PEDS1: variants seen among roughly 807,000 people sequenced by gnomAD.
PEDS1 encodes the protein CarF homolog.
In PEDS1, 14 loss-of-function variants were observed where a neutral mutation model predicts 35.2. The ratio of observed to expected loss-of-function variants is 0.40; its 90% CI spans 0.26 to 0.62. PEDS1 has a LOEUF of 0.62. Ranked by LOEUF, PEDS1 falls within the 20% of genes least tolerant of loss-of-function variation. PEDS1 has a pLI of 0.44. For missense variants in PEDS1, 260 were observed against 367.8 expected (o/e 0.71, Z 2.40); for synonymous variants, 152 against 152.0 (o/e 1.00, Z 0.00).
At chr20:50,138,921 C>T (rs1017816964) in intron 2 of PEDS1, among the ~76,000 whole-genome samples, 1 of 152,150 alleles carries the variant, frequency 6.6e-6, no homozygotes, top group Non-Finnish European at 1.5e-5. Context: ...TGGGCCCGTG[C>T]GGGCTTCCAT....
chr20:50,150,529 C>A (rs1318489341), intron 1 of PEDS1, among the ~76,000 whole-genome samples: 1 of 152,280 alleles, frequency 6.6e-6, no homozygotes, highest in East Asian at 1.9e-4. Context: ...CTCAGGGAAG[C>A]CTTCACTGCC....
intron 2 of PEDS1, among the ~76,000 whole-genome samples, chr20:50,137,873 A>G (rs1417550822): frequency 6.6e-6 from 1 of 152,232 alleles, no homozygotes; most frequent in Non-Finnish European, 1.5e-5. Context: ...GTCTCAAAAA[A>G]CAAACAAACA....
chr20:50,133,035 C>T (rs1366165870), intron 2 of PEDS1, among the ~76,000 whole-genome samples: 2 of 152,124 alleles, frequency 1.3e-5, no homozygotes. Context: ...AACTGGTTGT[C>T]CAAGATTCTG....
chr20:50,153,401 T>C (rs1352405324), intron 1 of PEDS1, 116 bp downstream of exon 1: 6 of 1,228,450 alleles, frequency 4.9e-6, no homozygotes, highest in Admixed American at 4.3e-5. Context: ...ATTTGCAAGT[T>C]AGACACCCGG....
At chr20:50,141,950 C>G (rs2081295502) in intron 2 of PEDS1, among the ~76,000 whole-genome samples, 1 of 152,178 alleles carries the variant, frequency 6.6e-6, no homozygotes, top group African/African-American at 2.4e-5. Flanking sequence ...TAGGAAGGGC[C>G]AGGCAGGACC....
chr20:50,149,273 C>T (rs2081377406), intron 1 of PEDS1, among the ~76,000 whole-genome samples: 1 of 152,166 alleles, frequency 6.6e-6, no homozygotes, highest in African/African-American at 2.4e-5. Context: ...TCCACCTTTC[C>T]CTTCCCCCTG....
intron 2 of PEDS1, among the ~76,000 whole-genome samples, chr20:50,132,493 G>A (rs1192655871): frequency 6.6e-6 from 1 of 152,122 alleles, no homozygotes; most frequent in Non-Finnish European, 1.5e-5. Flanking sequence ...TTCCTAAGAT[G>A]CAACACAGCT....
At chr20:50,135,615 G>A (rs1374889499) in intron 2 of PEDS1, among the ~76,000 whole-genome samples, 3 of 126,896 alleles carry the variant, frequency 2.4e-5, no homozygotes, top group Admixed American at 1.0e-4. Flanking sequence ...CTGAGATCAC[G>A]CCATTGCACT....
Position 50,121,788 on chromosome 20 carries a change from G to GT in PEDS1, c.*3269dup, listed in dbSNP as rs1218543475. ...TTACCTCTCTGGACTCAGGCTGAGG[G>GT]TTTTTTTTCTGTCGGCTCCAGGGGA... On this transcript the variant is annotated 3_prime_UTR_variant, in exon 6 of 6. Transcript: ENST00000371652. 6 of 152,062 alleles carry GT rather than the reference G, an allele frequency of 3.9e-5. No homozygotes were observed. Among genetic ancestry groups the GT allele is most frequent in the Admixed American group, 2.0e-4 (3 of 15,228 alleles). 9.4% of individuals were successfully genotyped at this position (152,062 alleles called of 1,614,324 possible).
chr20:50,139,349 G>A (rs191482361), intron 2 of PEDS1, among the ~76,000 whole-genome samples: 416 of 152,212 alleles, frequency 2.7e-3, no homozygotes, highest in Non-Finnish European at 4.4e-3. Flanking sequence ...CGACAACGAT[G>A]TGCGTGTCAC....
At position 50,118,666 on chromosome 20, in the gene PEDS1, CTGGA is replaced by C. The variant is rs2081025472; in HGVS notation, c.*6388_*6391del. On this transcript the variant is annotated 3_prime_UTR_variant, in exon 6 of 6. Transcript: ENST00000371652. ...ACAGAGTCTCGCTGTGTCGCCCAGG[CTGGA>C]GTTCAGTGGCGCGATCTCAGTTCAC... 6.6e-6 allele frequency: 1 copy of C among 151,658 alleles called. No individual in the cohort carries two copies. Among genetic ancestry groups the C allele is most frequent in the Non-Finnish European group, 1.5e-5 (1 of 67,986 alleles). The allele number at this position is 151,658 out of a possible 1,614,324, so 9.4% of individuals were successfully genotyped here.
intron 2 of PEDS1, chr20:50,131,158 CAT>C (rs1343418400): frequency 1.1e-5 from 14 of 1,248,918 alleles, no homozygotes; most frequent in Non-Finnish European, 1.5e-5. Context: ...TGCCAAGACT[CAT>C]GTGCTTGGAG....
In PEDS1 at chr20:50,123,752, C is replaced by T. The variant is rs1269428982; in HGVS notation, c.*1306G>A. On this transcript the variant is annotated 3_prime_UTR_variant, in exon 6 of 6. Transcript: ENST00000371652. ...TGGTTCTGTCCTGTTTGATTTTCTT[C>T]ACAAATCACCACCTGAATTTCCATG... is the stretch of plus-strand genomic sequence containing the variant. 6.6e-6 allele frequency: 1 copy of T among 152,234 alleles called. No homozygotes were observed. Among genetic ancestry groups the T allele is most frequent in the Non-Finnish European group, 1.5e-5 (1 of 68,058 alleles). 9.4% of individuals were successfully genotyped at this position (152,234 alleles called of 1,614,324 possible).
rs961076607 is a variant in PEDS1, at chr20:50,120,891, A to T, written c.*4167T>A. On this transcript the variant is annotated 3_prime_UTR_variant, in exon 6 of 6. Coordinates refer to ENST00000371652, the MANE Select transcript of PEDS1 (RefSeq NM_199129.4). ...AGTTTCAGTTGGGGGCAGGCGCCCA[A>T]AGGTATGTGCCCAGGCCCCTTCTAA... 6.6e-6 allele frequency: 1 copy of T among 152,234 alleles called. No individual in the cohort carries two copies. Among genetic ancestry groups the T allele is most frequent in the Non-Finnish European group, 1.5e-5 (1 of 68,216 alleles). 9.4% of individuals were successfully genotyped at this position (152,234 alleles called of 1,614,324 possible).
intron 2 of PEDS1, among the ~76,000 whole-genome samples, chr20:50,140,272 C>T (rs1385676897): frequency 6.6e-6 from 1 of 152,252 alleles, no homozygotes; most frequent in East Asian, 1.9e-4. Context: ...CTGCCATCTT[C>T]ACGTGGCTGG....
rs145967758 is a variant in PEDS1 at position 50,147,643 on chromosome 20, C to T, written c.122-4022G>A. On this transcript the variant is annotated intron_variant, in intron 1 of 5. Transcript: ENST00000371652. ...CAAAGATGATCCAGCTCTCTCCCCA[C>T]GCCATGGAGAACGTCCTCCAAATCT... is the stretch of plus-strand genomic sequence containing the variant. 4.2e-4 allele frequency among the ~76,000 whole-genome samples: 64 copies of T among 152,334 alleles called. 1 individual carries two copies. The highest frequency in any genetic ancestry group is 6.8e-3 in the Middle Eastern group (2 of 294).
In PEDS1 at chr20:50,143,319, T is replaced by C. The variant is rs559630073; in HGVS notation, c.241+183A>G. ...GGAACTGAGGATCATGTTTAGGTTT[T>C]GGGCCCAAGTGACAGGCTGCAGGGA... On this transcript the variant is annotated intron_variant, in intron 2 of 5. Coordinates refer to ENST00000371652, the MANE Select transcript of PEDS1 (RefSeq NM_199129.4). Among the ~76,000 whole-genome samples the C allele has an allele frequency of 3.9e-5, 6 of 152,228 alleles. No homozygotes were observed. The East Asian group carries it at 1.2e-3, about 29-fold the overall frequency.
chr20:50,153,065 A>G (rs1467408502), intron 1 of PEDS1, among the ~76,000 whole-genome samples: 1 of 151,672 alleles, frequency 6.6e-6, no homozygotes, highest in East Asian at 2.0e-4. Context: ...ACTAGGATGT[A>G]GATTCCAGAT....
rs1310936217 is a variant in PEDS1, at chr20:50,121,548, T to A, written c.*3510A>T. ...GTCTGGTGCAAAGTTAAGTGCTCAG[T>A]AATATTAAGTAGCATTTTCCCCTGT... On this transcript the variant is annotated 3_prime_UTR_variant, in exon 6 of 6. Transcript: ENST00000371652. The A allele has an allele frequency of 1.3e-5, 2 of 152,216 alleles. No homozygotes were observed. Among genetic ancestry groups the A allele is most frequent in the Non-Finnish European group, 2.9e-5 (2 of 68,050 alleles). The allele number at this position is 152,216 out of a possible 1,614,324, so 9.4% of individuals were successfully genotyped here.
Sources: gnomAD v4.1 joint callset for allele counts (sites outside exome capture counted in the v4.1 genomes callset) on GRCh38, gnomAD v4.1.1 for gene constraint, MANE v1.5 for transcripts, NCBI Gene and HGNC (gene_info 2026-07-23, HGNC 2026-07-21) for gene names.